Variants in MICAL3 observed in about 807,000 individuals in gnomAD.
The protein encoded by MICAL3 is [F-actin]-monooxygenase MICAL3.
In MICAL3, 62 loss-of-function variants were observed where a neutral mutation model predicts 207.4. The observed-to-expected ratio is 0.30, with a 90% CI of 0.24 to 0.37. MICAL3 has a LOEUF of 0.37. MICAL3 is among the 10% of genes least tolerant of loss of function. MICAL3 has a pLI of 1.00. For missense variants in MICAL3, 2,368 were observed against 2,635.6 expected (o/e 0.90, Z 2.22); for synonymous variants, 1,077 against 1,069.3 (o/e 1.01, Z -0.14).
intron 1 of MICAL3, among the ~76,000 whole-genome samples, chr22:17,956,073 T>G (rs1378936627): frequency 6.6e-6 from 1 of 152,150 alleles, no homozygotes; most frequent in African/African-American, 2.4e-5. Flanking sequence ...ATTCCTGGTC[T>G]TATAGGAGAG....
At chr22:17,830,770 G>A (rs111997469) in intron 21 of MICAL3, among the ~76,000 whole-genome samples, 116 of 152,356 alleles carry the variant, frequency 7.6e-4, no homozygotes, top group African/African-American at 2.5e-3. Flanking sequence ...AGAACTGGGA[G>A]AGCAGGTCCT....
chr22:17,916,750 T>C (rs1932546652), intron 1 of MICAL3, among the ~76,000 whole-genome samples: 1 of 152,268 alleles, frequency 6.6e-6, no homozygotes, highest in South Asian at 2.1e-4. Context: ...CCTCTCTGCG[T>C]CCTTTGCTGG....
chr22:17,977,959 T>C (rs1473492972), intron 1 of MICAL3, among the ~76,000 whole-genome samples: 2 of 151,850 alleles, frequency 1.3e-5, no homozygotes, highest in East Asian at 1.9e-4. Flanking sequence ...GAGGCGGAGG[T>C]TGTGGTGAGC....
chr22:17,855,123 T>C (rs1357690468), intron 19 of MICAL3, among the ~76,000 whole-genome samples: 1 of 152,184 alleles, frequency 6.6e-6, no homozygotes, highest in African/African-American at 2.4e-5. Context: ...CCGAACCATG[T>C]TGCAGCTGGC....
At chr22:17,798,846 T>C (rs926148334) in intron 29 of MICAL3, among the ~76,000 whole-genome samples, 1 of 151,860 alleles carries the variant, frequency 6.6e-6, no homozygotes, top group East Asian at 2.0e-4. Flanking sequence ...GCTAATTTTT[T>C]GTATTTTTAG....
At chr22:17,825,554 C>A (rs5992117) in intron 22 of MICAL3, among the ~76,000 whole-genome samples, 23,699 of 152,074 alleles carry the variant, frequency 0.16, 3,058 homozygotes, top group African/African-American at 0.36. Flanking sequence ...CCCTTCCCTG[C>A]GGCTGTGTGT....
At chr22:17,860,244 T>C (rs978104704) in intron 19 of MICAL3, 1 of 984,348 alleles carries the variant, frequency 1.0e-6, no homozygotes, top group African/African-American at 1.8e-5. Context: ...GGTTTCACAG[T>C]CAACGGCAAA....
At chr22:17,889,290 C>A in intron 12 of MICAL3, 60 bp from the exon 13 acceptor site, 1 of 1,298,752 alleles carries the variant, frequency 7.7e-7, no homozygotes, top group Non-Finnish European at 1.1e-6. Flanking sequence ...AACAGAAACG[C>A]AGTATCCTGG....
chr22:17,834,465 C>T (rs1465077325), intron 20 of MICAL3: 33 of 1,280,818 alleles, frequency 2.6e-5, no homozygotes, highest in Non-Finnish European at 2.9e-5. Flanking sequence ...TCTGTGATCC[C>T]AGCACTGTGG....
At chr22:17,973,316 C>T (rs1382799523) in intron 1 of MICAL3, among the ~76,000 whole-genome samples, 1 of 152,158 alleles carries the variant, frequency 6.6e-6, no homozygotes, top group Non-Finnish European at 1.5e-5. Context: ...TCAGAAAAGA[C>T]GGCTTACCAA....
intron 1 of MICAL3, among the ~76,000 whole-genome samples, chr22:17,944,481 A>G (rs1169279324): frequency 6.6e-6 from 1 of 152,200 alleles, no homozygotes; most frequent in African/African-American, 2.4e-5. Context: ...ATATTATTAC[A>G]TTAAGTCCCG....
chr22:17,887,513 G>A, intron 13 of MICAL3, 78 bp from the exon 14 acceptor site: 2 of 898,886 alleles, frequency 2.2e-6, no homozygotes, highest in Non-Finnish European at 3.5e-6. Flanking sequence ...ACTCTCCCTC[G>A]TGGATGGTTC....
intron 8 of MICAL3, 85 bp downstream of exon 8, chr22:17,896,639 C>T (rs370235913): frequency 4.2e-5 from 59 of 1,392,210 alleles, no homozygotes; most frequent in Admixed American, 2.6e-4. Context: ...ACACTGCAGA[C>T]GCTCATTCCA....
At chr22:17,973,610 C>T (rs774773654) in intron 1 of MICAL3, among the ~76,000 whole-genome samples, 8 of 152,182 alleles carry the variant, frequency 5.3e-5, no homozygotes, top group East Asian at 1.9e-4. Flanking sequence ...CAGGCTTAGA[C>T]GCAGGCAAAT....
rs1233479577 is a variant in MICAL3, at chr22:17,899,632, T to G, written c.848-84A>C. The G allele has an allele frequency of 3.5e-6, 3 of 851,694 alleles. No homozygotes were observed. In the African/African-American group the frequency reaches 5.0e-5, roughly 14 times the overall value. 52.8% of individuals were successfully genotyped at this position (851,694 alleles called of 1,614,324 possible). On this transcript the variant is annotated intron_variant, in intron 6 of 31. Coordinates refer to ENST00000441493, the MANE Select transcript of MICAL3 (RefSeq NM_015241.3). ...CAGGCTGAAAGGTTACACACAGGCC[T>G]ACAGAGACAAGGGCCTGAGGCTCCA... is the stretch of plus-strand genomic sequence containing the variant.
intron 29 of MICAL3, among the ~76,000 whole-genome samples, chr22:17,807,594 T>G (rs915049598): frequency 4.6e-5 from 7 of 152,222 alleles, no homozygotes; most frequent in African/African-American, 1.7e-4. Flanking sequence ...AGGTCATCAC[T>G]GAGTAGCCCT....
At chr22:17,960,382 A>G (rs905916204) in intron 1 of MICAL3, among the ~76,000 whole-genome samples, 5 of 152,234 alleles carry the variant, frequency 3.3e-5, no homozygotes, top group African/African-American at 1.2e-4. Context: ...TGAAGTCAGC[A>G]AATATTTACT....
At chr22:17,881,900 GC>G (rs1181991587) in intron 16 of MICAL3, among the ~76,000 whole-genome samples, 1 of 152,110 alleles carries the variant, frequency 6.6e-6, no homozygotes, top group African/African-American at 2.4e-5. Context: ...CCTCATTTCT[GC>G]CCCCTCCACC....
chr22:17,966,637 A>G (rs764285489), intron 1 of MICAL3, among the ~76,000 whole-genome samples: 7 of 152,196 alleles, frequency 4.6e-5, no homozygotes, highest in Non-Finnish European at 7.3e-5. Context: ...TGGCTGTCCA[A>G]TTCCTAGTTA....
Sources: gnomAD v4.1 joint callset for allele counts (sites outside exome capture counted in the v4.1 genomes callset) on GRCh38, gnomAD v4.1.1 for gene constraint, MANE v1.5 for transcripts, NCBI Gene and HGNC (gene_info 2026-07-23, HGNC 2026-07-21) for gene names.